The following GNA14 variants were observed in gnomAD, a reference collection of about 807,000 sequenced individuals.
The protein encoded by GNA14 is guanine nucleotide-binding protein subunit alpha-14.
GNA14 carries 50 observed loss-of-function variants against 42.0 expected under a neutral mutation model. That is an observed-to-expected ratio of 1.19 (90% CI 0.95 to 1.51). The LOEUF (loss-of-function observed/expected upper bound fraction) is 1.51, where lower values mean the gene tolerates loss of function less well. GNA14 is among the 40% of genes most tolerant of loss of function. The probability of loss-of-function intolerance (pLI) is 0.00; values close to 1 mark genes in which losing one functional copy is unlikely to be tolerated. For synonymous variants in GNA14, 173 were observed against 163.1 expected (o/e 1.06, Z -0.46); for missense variants, 473 against 446.2 (o/e 1.06, Z -0.54).
intron 2 of GNA14, among the ~76,000 whole-genome samples, chr9:77,439,130 G>A (rs1015732088): frequency 6.6e-6 from 1 of 152,198 alleles, no homozygotes; most frequent in Admixed American, 6.5e-5. Flanking sequence ...GGCCCAGCAA[G>A]GGTCTGTTCT....
At chr9:77,435,357 C>CA (rs944631570) in intron 2 of GNA14, among the ~76,000 whole-genome samples, 201 of 142,768 alleles carry the variant, frequency 1.4e-3, no homozygotes, top group African/African-American at 3.4e-3. Flanking sequence ...ACTCTGTCTC[C>CA]AAAAAAAAAA....
At chr9:77,611,937 CA>C (rs1564066314) in intron 1 of GNA14, among the ~76,000 whole-genome samples, 1 of 151,924 alleles carries the variant, frequency 6.6e-6, no homozygotes, top group African/African-American at 2.4e-5. Flanking sequence ...CAGTTGCCCC[CA>C]AAATGTAAAG....
rs553005790 is a variant in GNA14, at chr9:77,436,649, A to C, written c.310-2127T>G. 1.2e-4 allele frequency among the ~76,000 whole-genome samples: 19 copies of C among 152,180 alleles called. No homozygotes were observed. In the South Asian group the frequency reaches 4.0e-3, roughly 32 times the overall value. On this transcript the variant is annotated intron_variant, in intron 2 of 6. Transcript: ENST00000341700. ...TCGCCACGCTCTTGCTTTCCCAAAT[A>C]GGTCAGTTGTGCTGAGCTCTACTCT...
chr9:77,619,823 T>C (rs1192189625), intron 1 of GNA14, among the ~76,000 whole-genome samples: 1 of 152,150 alleles, frequency 6.6e-6, no homozygotes, highest in Non-Finnish European at 1.5e-5. Context: ...TAGTGACAAA[T>C]GTGTCAGTCC....
At chr9:77,499,417 T>G (rs1836928314) in intron 2 of GNA14, among the ~76,000 whole-genome samples, 1 of 152,048 alleles carries the variant, frequency 6.6e-6, no homozygotes, top group Non-Finnish European at 1.5e-5. Context: ...ATGACCATAT[T>G]GCAAAGAATT....
rs1349234966 is a variant in GNA14 at position 77,434,442 on chromosome 9, C to T, written c.390G>A (p.Gln130=). The change falls in exon 3 of 7, where the codon CAG becomes CAA. Residue 130 remains glutamine (Q), a synonymous_variant. Transcript: ENST00000341700. ...CCTGGATGCCTGGATCTTGCCAGAG[C>T]TGCTTGATGGCCTCCACCTGCTCCC... ...LSREQVEAIK[Q]LWQDPGIQEC... 6.2e-7 allele frequency: 1 copy of T among 1,613,778 alleles called. No individual in the cohort carries two copies. Among genetic ancestry groups the T allele is most frequent in the Non-Finnish European group, 8.5e-7 (1 of 1,179,762 alleles).
intron 2 of GNA14, among the ~76,000 whole-genome samples, chr9:77,440,573 A>T (rs1345485849): frequency 1.3e-5 from 2 of 152,314 alleles, no homozygotes; most frequent in South Asian, 4.1e-4. Flanking sequence ...AATTGTATAT[A>T]TTTATGGCTT....
At position 77,517,779 on chromosome 9, in the gene GNA14, A is replaced by G. The variant is rs930473472; in HGVS notation, c.309+11290T>C. Among the ~76,000 whole-genome samples, 4 of 150,414 alleles carry G rather than the reference A, an allele frequency of 2.7e-5. No homozygotes were observed. The East Asian group carries it at 5.9e-4, about 22-fold the overall frequency. On this transcript the variant is annotated intron_variant, in intron 2 of 6. Coordinates refer to ENST00000341700, the MANE Select transcript of GNA14 (RefSeq NM_004297.4). ...CACACCACACTCAGATAATTTTTATATTTTTTGTAGAAACAGGATATTGCC... is the reference window on the plus strand; with the variant it reads ...CACACCACACTCAGATAATTTTTATGTTTTTTGTAGAAACAGGATATTGCC...
At chr9:77,522,532 T>A (rs1341902922) in intron 2 of GNA14, among the ~76,000 whole-genome samples, 1 of 152,160 alleles carries the variant, frequency 6.6e-6, no homozygotes, top group Non-Finnish European at 1.5e-5. Flanking sequence ...ATGGAAAAGA[T>A]TACCAGAAAT....
chr9:77,486,909 T>A (rs745641776), intron 2 of GNA14, among the ~76,000 whole-genome samples: 1 of 152,068 alleles, frequency 6.6e-6, no homozygotes, highest in Non-Finnish European at 1.5e-5. Flanking sequence ...GTTTGAAATA[T>A]TGGGAGAATT....
chr9:77,557,436 T>C (rs1822802094), intron 1 of GNA14, among the ~76,000 whole-genome samples: 1 of 152,214 alleles, frequency 6.6e-6, no homozygotes, highest in Non-Finnish European at 1.5e-5. Flanking sequence ...TATTTTTATG[T>C]TCTAGGACAA....
chr9:77,544,659 G>A (rs369108389), intron 1 of GNA14, among the ~76,000 whole-genome samples: 5 of 134,612 alleles, frequency 3.7e-5, no homozygotes, highest in South Asian at 4.7e-4. Context: ...CCAAGATCAC[G>A]TCACTGCATC....
At position 77,503,769 on chromosome 9, in the gene GNA14, C is replaced by G. The variant is rs556758164; in HGVS notation, c.309+25300G>C. On this transcript the variant is annotated intron_variant, in intron 2 of 6. Coordinates refer to ENST00000341700, the MANE Select transcript of GNA14 (RefSeq NM_004297.4). ...ACCCACCGAGTTCAAGCCTCACCCTCCTGAATAGCTAGGATTACAGGTGCC... is the reference window on the plus strand; with the variant it reads ...ACCCACCGAGTTCAAGCCTCACCCTGCTGAATAGCTAGGATTACAGGTGCC... Among the ~76,000 whole-genome samples the G allele has an allele frequency of 4.0e-5, 6 of 151,840 alleles. No homozygotes were observed. The South Asian group carries it at 1.3e-3, about 32-fold the overall frequency.
rs1835500173 is a variant in GNA14 at position 77,428,944 on chromosome 9, CT to C, written c.685del (p.Ser229ValfsTer33). On this transcript the variant is annotated frameshift_variant, in exon 5 of 7. Coordinates refer to ENST00000341700, the MANE Select transcript of GNA14 (RefSeq NM_004297.4). LOFTEE classifies it high-confidence loss of function. ...VTSIIFLVALSEYDQVLAECD... is the reference protein window; with the variant it reads ...VTSIIFLVALXEYDQVLAECD... ...CTCAGCCAGGACCTGGTCATATTCA[CT>C]CAGAGCAACCAAGAAAATAATGGAG... 6.2e-7 allele frequency: 1 copy of C among 1,614,002 alleles called. No individual in the cohort carries two copies.
intron 3 of GNA14, among the ~76,000 whole-genome samples, chr9:77,432,752 A>G (rs1239627976): frequency 6.6e-6 from 1 of 152,052 alleles, no homozygotes; most frequent in Non-Finnish European, 1.5e-5. Flanking sequence ...TCAGGGTTAC[A>G]CTGAATTCTG....
chr9:77,548,453 G>C (rs965322362), intron 1 of GNA14, among the ~76,000 whole-genome samples: 1 of 152,116 alleles, frequency 6.6e-6, no homozygotes, highest in African/African-American at 2.4e-5. Flanking sequence ...GAATTGGAGT[G>C]GGGGCGCACG....
chr9:77,533,031 AAAAG>A lies in GNA14; in HGVS notation c.125-3782_125-3779del, dbSNP rs1329243336. On this transcript the variant is annotated intron_variant, in intron 1 of 6. Coordinates refer to ENST00000341700, the MANE Select transcript of GNA14 (RefSeq NM_004297.4). ...GACCCAATCCAAAAAGTCACAGAGT[AAAAG>A]AGAGAATAAAATTACAATTCCGTCT... is the stretch of plus-strand genomic sequence containing the variant. Among the ~76,000 whole-genome samples the A allele has an allele frequency of 1.5e-4, 23 of 152,346 alleles. No individual in the cohort carries two copies. The South Asian group carries it at 4.6e-3, about 30-fold the overall frequency.
At chr9:77,460,015 G>C (rs987726098) in intron 2 of GNA14, among the ~76,000 whole-genome samples, 1 of 152,118 alleles carries the variant, frequency 6.6e-6, no homozygotes, top group African/African-American at 2.4e-5. Context: ...TTCCCTCTCT[G>C]CTTTGGTCTC....
Position 77,548,474 on chromosome 9 carries a change from G to C in GNA14, c.125-19221C>G, listed in dbSNP as rs141454453. On this transcript the variant is annotated intron_variant, in intron 1 of 6. Coordinates refer to ENST00000341700, the MANE Select transcript of GNA14 (RefSeq NM_004297.4). The stretch of plus-strand genomic sequence containing the variant: ...GAGTGGGGGCGCACGATTCAACCCA[G>C]CACAGGGCCTGTTTGGGAGCAGTGA... 5.4e-3 allele frequency among the ~76,000 whole-genome samples: 823 copies of C among 152,278 alleles called. 6 individuals are homozygous for C. Among genetic ancestry groups the C allele is most frequent in the Non-Finnish European group, 7.1e-3 (483 of 68,028 alleles).
Sources: gnomAD v4.1 joint callset for allele counts (sites outside exome capture counted in the v4.1 genomes callset) on GRCh38, gnomAD v4.1.1 for gene constraint, MANE v1.5 for transcripts, NCBI Gene and HGNC (gene_info 2026-07-23, HGNC 2026-07-21) for gene names.